NRXN1: variants seen among roughly 807,000 people sequenced by gnomAD.
The protein encoded by NRXN1 is neurexin-1.
Under a neutral mutation model 150.9 loss-of-function variants are expected in NRXN1, and 39 were observed. The observed-to-expected ratio is 0.26, with a 90% confidence interval of 0.20 to 0.34. The LOEUF is 0.34. Ranked by LOEUF, NRXN1 falls within the 10% of genes least tolerant of loss-of-function variation. NRXN1 has a pLI of 1.00. For synonymous variants in NRXN1, 924 were observed against 757.0 expected, an observed-to-expected ratio of 1.22 and a Z score of -3.62; for missense variants, 1,815 against 1,949.9, an observed-to-expected ratio of 0.93 and a Z score of 1.30.
intron 5 of NRXN1, among the ~76,000 whole-genome samples, chr2:50,858,473 C>A (rs370957875): frequency 2.0e-4 from 30 of 152,062 alleles, no homozygotes; most frequent in African/African-American, 6.8e-4. Context: ...CAGCTTTCTC[C>A]ACTCAAACAT....
intron 5 of NRXN1, among the ~76,000 whole-genome samples, chr2:50,769,813 C>T (rs1028184400): frequency 3.3e-5 from 5 of 152,028 alleles, no homozygotes; most frequent in African/African-American, 1.2e-4. Flanking sequence ...ATTAACATGA[C>T]CATCTAGTGT....
At chr2:49,923,200 A>G (rs1204842163) in intron 22 of NRXN1, among the ~76,000 whole-genome samples, 2 of 152,178 alleles carry the variant, frequency 1.3e-5, no homozygotes, top group Non-Finnish European at 2.9e-5. Flanking sequence ...TAATTGGTAG[A>G]TATGAGGAGA....
At chr2:50,421,896 C>G (rs550156366) in intron 17 of NRXN1, among the ~76,000 whole-genome samples, 6 of 152,168 alleles carry the variant, frequency 3.9e-5, no homozygotes, top group African/African-American at 1.4e-4. Flanking sequence ...AAGTCTGTGA[C>G]CATTGATTAA....
At chr2:50,921,035 T>C (rs1313822340) in intron 5 of NRXN1, among the ~76,000 whole-genome samples, 1 of 151,748 alleles carries the variant, frequency 6.6e-6, no homozygotes, top group East Asian at 1.9e-4. Flanking sequence ...ATAAAGATAT[T>C]CCTGCATTTA....
intron 18 of NRXN1, among the ~76,000 whole-genome samples, chr2:50,109,658 G>T (rs1192038294): frequency 6.6e-6 from 1 of 151,968 alleles, no homozygotes; most frequent in East Asian, 1.9e-4. Flanking sequence ...CTGGGATGCT[G>T]AGATGTCTTG....
intron 17 of NRXN1, among the ~76,000 whole-genome samples, chr2:50,446,489 C>T (rs1203511238): frequency 7.0e-6 from 1 of 142,306 alleles, no homozygotes; most frequent in Non-Finnish European, 1.5e-5. Context: ...GCCTCCCTTC[C>T]TTCCCTCCCT....
At chr2:50,939,447 G>T (rs1193963660) in intron 2 of NRXN1, among the ~76,000 whole-genome samples, 1 of 151,640 alleles carries the variant, frequency 6.6e-6, no homozygotes, top group African/African-American at 2.4e-5. Flanking sequence ...ATAGATTTAT[G>T]ATTTATTATT....
chr2:50,654,554 A>T (rs1374931784), intron 5 of NRXN1, among the ~76,000 whole-genome samples: 1 of 152,020 alleles, frequency 6.6e-6, no homozygotes. Context: ...CAGTAATGGG[A>T]TGGCTGGGTC....
At chr2:50,269,093 A>G (rs1316450500) in intron 17 of NRXN1, among the ~76,000 whole-genome samples, 1 of 151,860 alleles carries the variant, frequency 6.6e-6, no homozygotes, top group Non-Finnish European at 1.5e-5. Context: ...CATTTTTTAC[A>G]TGGGGAAACA....
intron 10 of NRXN1, among the ~76,000 whole-genome samples, chr2:50,534,560 G>T (rs538197071): frequency 3.9e-5 from 6 of 152,228 alleles, no homozygotes; most frequent in East Asian, 1.9e-4. Context: ...AGAGAAAAAT[G>T]CTTGTGGTAT....
chr2:50,134,148 A>G (rs940199297), intron 18 of NRXN1, among the ~76,000 whole-genome samples: 3 of 152,116 alleles, frequency 2.0e-5, no homozygotes, highest in African/African-American at 7.2e-5. Flanking sequence ...TAAGTCAATC[A>G]GTAAAGGAAT....
At chr2:50,373,627 AAAGAAAG>A (rs1271037117) in intron 17 of NRXN1, among the ~76,000 whole-genome samples, 1 of 33,462 alleles carries the variant, frequency 3.0e-5, no homozygotes, top group Non-Finnish European at 7.3e-5. Context: ...GAGAGAAAGA[AAAGAAAG>A]AAAGAAAGAA....
At chr2:50,016,703 C>G (rs1267458078) in intron 21 of NRXN1, among the ~76,000 whole-genome samples, 2 of 152,142 alleles carry the variant, frequency 1.3e-5, no homozygotes, top group Admixed American at 1.3e-4. Context: ...GATTCAATTA[C>G]CTCCACCTGG....
intron 8 of NRXN1, among the ~76,000 whole-genome samples, chr2:50,591,558 A>G (rs1359026933): frequency 6.6e-6 from 1 of 152,170 alleles, no homozygotes; most frequent in East Asian, 1.9e-4. Context: ...TGAGTTATCT[A>G]TTTTTATTTA....
chr2:50,567,908 G>C (rs1173710142), intron 8 of NRXN1, among the ~76,000 whole-genome samples: 1 of 152,012 alleles, frequency 6.6e-6, no homozygotes, highest in Non-Finnish European at 1.5e-5. Flanking sequence ...TAGTAGAAAA[G>C]GCCCACTGCT....
intron 21 of NRXN1, among the ~76,000 whole-genome samples, chr2:49,981,914 A>C (rs149913038): frequency 9.2e-5 from 14 of 152,248 alleles, no homozygotes; most frequent in African/African-American, 3.1e-4. Context: ...TGCTTATTAA[A>C]AATGCAAAGT....
chr2:50,962,586 C>T (rs937826426), intron 2 of NRXN1, among the ~76,000 whole-genome samples: 1 of 151,338 alleles, frequency 6.6e-6, no homozygotes, highest in Non-Finnish European at 1.5e-5. Context: ...GCCCTGAGAC[C>T]CAGTCTACAA....
chr2:49,930,116 T>G (rs1198734287), intron 22 of NRXN1, among the ~76,000 whole-genome samples: 1 of 152,174 alleles, frequency 6.6e-6, no homozygotes. Context: ...AGTTTACTTT[T>G]CAGGAATTAA....
intron 5 of NRXN1, among the ~76,000 whole-genome samples, chr2:50,675,699 T>G (rs548245990): frequency 6.6e-6 from 1 of 152,280 alleles, no homozygotes; most frequent in Non-Finnish European, 1.5e-5. Flanking sequence ...ACTGTTAACA[T>G]GGCATAAATG....
Sources: allele counts gnomAD v4.1 joint callset (sites outside exome capture counted in the v4.1 genomes callset), GRCh38; gene constraint gnomAD v4.1.1; transcripts MANE v1.5; gene names NCBI Gene and HGNC (gene_info 2026-07-23, HGNC 2026-07-21).